The following S100PBP variants were observed in gnomAD, a reference collection of about 807,000 sequenced individuals.
The protein encoded by S100PBP is S100P binding protein.
A neutral mutation model predicts 39.9 loss-of-function variants in S100PBP; 15 were observed. The observed-to-expected ratio is 0.38, with a 90% CI of 0.25 to 0.58. The LOEUF is 0.58. Ranked by LOEUF, S100PBP falls within the 20% of genes least tolerant of loss-of-function variation. S100PBP has a pLI of 0.70. For synonymous variants in S100PBP, 178 were observed against 180.3 expected, an observed-to-expected ratio of 0.99 and a Z score of 0.10; for missense variants, 504 against 487.3, an observed-to-expected ratio of 1.03 and a Z score of -0.32.
chr1:32,836,553 G>T, intron 5 of S100PBP: 1 of 982,970 alleles, frequency 1.0e-6, no homozygotes, highest in Non-Finnish European at 1.2e-6. Flanking sequence ...AGTATATTAT[G>T]GCTTCATTTT....
chr1:32,827,376 GC>G (rs1040845684), intron 3 of S100PBP, among the ~76,000 whole-genome samples: 2 of 152,100 alleles, frequency 1.3e-5, no homozygotes, highest in African/African-American at 2.4e-5. Context: ...TACAGCACTA[GC>G]TCTGAATCAG....
chr1:32,853,504 C>T (rs1249316947), intron 6 of S100PBP, among the ~76,000 whole-genome samples: 3 of 132,258 alleles, frequency 2.3e-5, no homozygotes, highest in South Asian at 4.9e-4. Flanking sequence ...GGGGGGGGGG[C>T]GCGTGAAATT....
chr1:32,827,985 C>T lies in S100PBP; in HGVS notation c.832-8C>T, dbSNP rs375678731. 1.9e-5 allele frequency: 30 copies of T among 1,596,624 alleles called. No individual in the cohort carries two copies. The African/African-American group carries it at 3.4e-4, about 18-fold the overall frequency. ...CCTTTCCTTTTGCATTCCTTTTCCT[C>T]AAAAAAGCAGGATGTTCTTAACAAG... On this transcript the variant is annotated splice_region_variant and splice_polypyrimidine_tract_variant and intron_variant, in intron 3 of 6. Transcript: ENST00000373475.
intron 5 of S100PBP, among the ~76,000 whole-genome samples, chr1:32,832,660 C>T (rs570356118): frequency 6.6e-6 from 1 of 152,160 alleles, no homozygotes; most frequent in African/African-American, 2.4e-5. Context: ...TTCACCTTTC[C>T]TCCATTTGTA....
At chr1:32,818,233 G>T (rs1638849853) in intron 1 of S100PBP, 1 of 152,436 alleles carries the variant, frequency 6.6e-6, no homozygotes, top group East Asian at 1.9e-4. Context: ...CCGCCGGGAG[G>T]CGGGAATTCG....
At chr1:32,845,906 T>C (rs785272) in intron 5 of S100PBP, among the ~76,000 whole-genome samples, 20,861 of 152,046 alleles carry the variant, frequency 0.14, 1,782 homozygotes, top group South Asian at 0.23. Flanking sequence ...CTCAAACTCC[T>C]GGGCTCAAGT....
Position 32,826,338 on chromosome 1 carries a change from A to C in S100PBP, c.239A>C (p.His80Pro). The change falls in exon 3 of 7, where the codon CAT becomes CCT. Residue 80 changes from histidine (H) to proline (P), a missense_variant. Physicochemically the swap from His to Pro is moderately conservative, Grantham distance 77. Coordinates refer to ENST00000373475, the MANE Select transcript of S100PBP (RefSeq NM_022753.4). ...EQSSGEDDGG[H>P]VEKGERGSQI... is the part of the protein sequence containing the mutation. ...TCTTCTGGGGAAGATGATGGTGGGC[A>C]TGTTGAGAAGGGAGAAAGAGGGAGT... The C allele has an allele frequency of 6.2e-7, 1 of 1,614,154 alleles. No individual in the cohort carries two copies. Among genetic ancestry groups the C allele is most frequent in the Non-Finnish European group, 8.5e-7 (1 of 1,179,992 alleles).
At chr1:32,831,526 T>C (rs547722485) in intron 5 of S100PBP, among the ~76,000 whole-genome samples, 1 of 152,286 alleles carries the variant, frequency 6.6e-6, no homozygotes, top group East Asian at 1.9e-4. Flanking sequence ...TTGTTTGTTT[T>C]ATAAGATTAT....
rs968021627 is a variant in S100PBP, at chr1:32,856,213, G to T, written c.*175G>T. The T allele has an allele frequency of 2.2e-6, 1 of 448,484 alleles. No individual in the cohort carries two copies. Among genetic ancestry groups the T allele is most frequent in the African/African-American group, 2.0e-5 (1 of 49,768 alleles). 27.8% of individuals were successfully genotyped at this position (448,484 alleles called of 1,614,324 possible). A position where few individuals can be genotyped will look rare whatever the true frequency, so the allele number is the denominator to read the frequency against. ...GCCCATTGCCGACTTGAATTTTTTT[G>T]TATGAAGTCCCTCCTGATTTTGTGT... On this transcript the variant is annotated 3_prime_UTR_variant, in exon 7 of 7. Transcript: ENST00000373475.
At chr1:32,821,404 C>T (rs189492330) in intron 1 of S100PBP, among the ~76,000 whole-genome samples, 5 of 152,206 alleles carry the variant, frequency 3.3e-5, no homozygotes, top group Non-Finnish European at 7.4e-5. Flanking sequence ...TCACTGCAAC[C>T]TCTGCCTCCT....
At chr1:32,817,736 G>A (rs1028791616) in intron 1 of S100PBP, 47 bp downstream of exon 1, 2 of 202,380 alleles carry the variant, frequency 9.9e-6, no homozygotes, top group African/African-American at 2.3e-5. Flanking sequence ...CGGCTTGGAG[G>A]GGGATGGGGG....
Position 32,829,975 on chromosome 1 carries a change from C to T in S100PBP, c.932C>T (p.Pro311Leu), listed in dbSNP as rs753674108. 2.7e-5 allele frequency: 44 copies of T among 1,613,032 alleles called. No individual in the cohort carries two copies. In the East Asian group the frequency reaches 2.9e-4, roughly 11 times the overall value. The change falls in exon 5 of 7, where the codon CCG (proline) becomes CTG (leucine). Residue 311 changes from proline to leucine, a missense_variant. By Grantham distance (98) the Pro-to-Leu change is moderately conservative. Transcript: ENST00000373475. The stretch of plus-strand genomic sequence containing the variant: ...TTGCTTTATTCAAGGACTAATGTTC[C>T]GACGTTTTCACAGTCAAATCTAGAA... ...VLQTKTRTNV[P>L]TFSQSNLEQQ...
intron 5 of S100PBP, chr1:32,837,051 A>G (rs113572924): frequency 1.3e-5 from 2 of 150,860 alleles, no homozygotes; most frequent in African/African-American, 2.4e-5. Context: ...AGTCTGGCCA[A>G]TATGGTGAAA....
At chr1:32,852,771 G>T in intron 5 of S100PBP, 1 of 265,776 alleles carries the variant, frequency 3.8e-6, no homozygotes, top group Non-Finnish European at 7.4e-6. Flanking sequence ...TCTGTCTCCT[G>T]TATAAACTTC....
intron 5 of S100PBP, among the ~76,000 whole-genome samples, chr1:32,841,817 T>A (rs1281543162): frequency 6.6e-6 from 1 of 151,188 alleles, no homozygotes; most frequent in Non-Finnish European, 1.5e-5. Flanking sequence ...GCCACAAAAA[T>A]TTTCTCCTAT....
intron 5 of S100PBP, chr1:32,852,829 G>A: frequency 2.3e-6 from 1 of 425,808 alleles, no homozygotes; most frequent in Non-Finnish European, 4.3e-6. Flanking sequence ...GACAAGTAAA[G>A]TTCCCTGTAT....
Position 32,855,969 on chromosome 1 carries a change from T to A in S100PBP, c.1158T>A (p.Thr386=), listed in dbSNP as rs1289324382. Residue 386 remains threonine (T), a synonymous_variant, in exon 7 of 7, where the codon ACT becomes ACA. Coordinates refer to ENST00000373475, the MANE Select transcript of S100PBP (RefSeq NM_022753.4). The part of the protein sequence containing the change: ...RQKHLQRYSL[T]QWVDRNMRSH... ...AACATCTGCAAAGATACAGTCTGAC[T>A]CAGTGGGTTGACAGGAACATGCGAA... 1 of 1,613,788 alleles carries A rather than the reference T, an allele frequency of 6.2e-7. No individual in the cohort carries two copies. Among genetic ancestry groups the A allele is most frequent in the East Asian group, 2.2e-5 (1 of 44,870 alleles).
intron 5 of S100PBP, among the ~76,000 whole-genome samples, chr1:32,837,435 C>T (rs1216816029): frequency 6.9e-6 from 1 of 145,414 alleles, no homozygotes; most frequent in African/African-American, 2.5e-5. Flanking sequence ...GCACCGGCCA[C>T]CTGCCTGTAA....
At chr1:32,827,368 C>A (rs892471608) in intron 3 of S100PBP, among the ~76,000 whole-genome samples, 2 of 152,140 alleles carry the variant, frequency 1.3e-5, no homozygotes, top group Non-Finnish European at 1.5e-5. Flanking sequence ...TATTAAGATA[C>A]AGCACTAGCT....
Sources: allele counts gnomAD v4.1 joint callset (sites outside exome capture counted in the v4.1 genomes callset), GRCh38; gene constraint gnomAD v4.1.1; transcripts MANE v1.5; gene names NCBI Gene and HGNC (gene_info 2026-07-23, HGNC 2026-07-21).